CADM2: variants seen among roughly 807,000 people sequenced by gnomAD.
CADM2 encodes the protein cell adhesion molecule 2, also known as immunoglobulin superfamily member 4D.
In CADM2, 12 loss-of-function variants were observed where a neutral mutation model predicts 49.8. That is an observed-to-expected ratio of 0.24 (90% CI 0.15 to 0.39). CADM2 has a LOEUF of 0.39. Among genes scored for constraint, CADM2 ranks in the 10% least tolerant of loss-of-function variants. The probability of loss-of-function intolerance (pLI) is 1.00; values close to 1 mark genes in which losing one functional copy is unlikely to be tolerated. For missense variants in CADM2, 378 were observed against 492.3 expected (o/e 0.77, Z 2.20); for synonymous variants, 214 against 175.4 (o/e 1.22, Z -1.74).
intron 2 of CADM2, 57 bp from the exon 3 acceptor site, chr3:85,801,990 G>GTGGTTT: frequency 8.3e-7 from 1 of 1,202,418 alleles, no homozygotes; most frequent in Non-Finnish European, 1.1e-6. Context: ...TAGATCTTAG[G>GTGGTTT]CAGTTAATCA....
At chr3:85,666,279 G>T (rs558355869) in intron 1 of CADM2, among the ~76,000 whole-genome samples, 2 of 151,928 alleles carry the variant, frequency 1.3e-5, no homozygotes, top group African/African-American at 4.8e-5. Context: ...TCAGTGTTAC[G>T]TATCTCAATG....
At chr3:84,982,737 A>ATATTT (rs1553663805) in intron 1 of CADM2, among the ~76,000 whole-genome samples, 1 of 115,378 alleles carries the variant, frequency 8.7e-6, no homozygotes, top group Non-Finnish European at 1.7e-5. Flanking sequence ...ATATATATAC[A>ATATTT]TTTTTTGTTT....
chr3:85,820,504 G>A (rs2073487069), intron 3 of CADM2, among the ~76,000 whole-genome samples: 1 of 152,114 alleles, frequency 6.6e-6, no homozygotes, highest in African/African-American at 2.4e-5. Context: ...GAGCAAATAG[G>A]ACCAGCTGAT....
rs554568779 is a variant in CADM2 at position 85,463,562 on chromosome 3, T to C, written c.62-262960T>C. Among the ~76,000 whole-genome samples the C allele has an allele frequency of 9.0e-4, 137 of 152,328 alleles. 1 individual carries two copies. Among genetic ancestry groups the C allele is most frequent in the Middle Eastern group, 3.4e-3 (1 of 294 alleles). The stretch of plus-strand genomic sequence containing the variant: ...GTCCTATATTTTTAAATAAAAGGGA[T>C]TGTAACTATTTATATATATTCAAAA... On this transcript the variant is annotated intron_variant, in intron 1 of 9. Transcript: ENST00000383699.
chr3:85,171,729 G>A lies in CADM2; in HGVS notation c.61+212061G>A, dbSNP rs573810778. Among the ~76,000 whole-genome samples, 6 of 152,204 alleles carry A rather than the reference G, an allele frequency of 3.9e-5. No individual in the cohort carries two copies. In the South Asian group the frequency reaches 1.2e-3, roughly 32 times the overall value. Reference sequence around the variant, plus strand: ...AATAATTTTGTATGTACAGTTGCATGTTTTTCTCATTTTAGCCAAAATTTA... The same window carrying A: ...AATAATTTTGTATGTACAGTTGCATATTTTTCTCATTTTAGCCAAAATTTA... On this transcript the variant is annotated intron_variant, in intron 1 of 9. Coordinates refer to ENST00000383699, the MANE Select transcript of CADM2 (RefSeq NM_001167675.2).
intron 2 of CADM2, among the ~76,000 whole-genome samples, chr3:85,739,703 A>C (rs980876167): frequency 2.6e-5 from 4 of 152,156 alleles, no homozygotes; most frequent in African/African-American, 9.6e-5. Context: ...CAAAGCATTT[A>C]TAGTTACAGG....
intron 1 of CADM2, among the ~76,000 whole-genome samples, chr3:85,463,929 G>T (rs776335008): frequency 6.6e-6 from 1 of 152,044 alleles, no homozygotes; most frequent in Non-Finnish European, 1.5e-5. Flanking sequence ...ATAGATCCAA[G>T]GTTATTGGGG....
At chr3:85,264,260 C>A (rs755337070) in intron 1 of CADM2, among the ~76,000 whole-genome samples, 136 of 152,004 alleles carry the variant, frequency 8.9e-4, no homozygotes, top group Non-Finnish European at 1.6e-3. Flanking sequence ...TCATCAACAC[C>A]CAAACCTATG....
intron 8 of CADM2, among the ~76,000 whole-genome samples, chr3:86,045,615 A>G (rs1424271906): frequency 6.6e-6 from 1 of 152,176 alleles, no homozygotes; most frequent in Admixed American, 6.6e-5. Flanking sequence ...CCACCCATCT[A>G]TCAGAAAATA....
chr3:85,110,183 T>C (rs1240549349), intron 1 of CADM2, among the ~76,000 whole-genome samples: 2 of 151,768 alleles, frequency 1.3e-5, no homozygotes, highest in Non-Finnish European at 2.9e-5. Flanking sequence ...AAAATAACAA[T>C]TGAATGGGAC....
Position 86,013,847 on chromosome 3 carries a change from T to G in CADM2, c.971-51758T>G, listed in dbSNP as rs1731856242. 7.5e-6 allele frequency: 12 copies of G among 1,593,022 alleles called. No homozygotes were observed. In the South Asian group the frequency reaches 1.3e-4, roughly 18 times the overall value. The stretch of plus-strand genomic sequence containing the variant: ...AGGCTTACATTGTGTCTAGTGGATT[T>G]TCTTCCAAAATGAAAGTTGTTGCTT... On this transcript the variant is annotated intron_variant, in intron 8 of 9. Transcript: ENST00000383699.
chr3:85,206,350 C>G (rs1396540364), intron 1 of CADM2, among the ~76,000 whole-genome samples: 1 of 149,738 alleles, frequency 6.7e-6, no homozygotes, highest in African/African-American at 2.5e-5. Context: ...CTCTGTCACC[C>G]AGGCTGGAGT....
chr3:85,318,380 G>A (rs1485910761), intron 1 of CADM2, among the ~76,000 whole-genome samples: 3 of 151,954 alleles, frequency 2.0e-5, no homozygotes, highest in Admixed American at 2.0e-4. Flanking sequence ...TGCAGTAACA[G>A]AATTGGACAA....
chr3:85,018,325 C>T (rs1243236303), intron 1 of CADM2, among the ~76,000 whole-genome samples: 11 of 152,098 alleles, frequency 7.2e-5, no homozygotes, highest in South Asian at 2.1e-4. Flanking sequence ...ATACTACTTG[C>T]CTGTTAAGGA....
intron 1 of CADM2, among the ~76,000 whole-genome samples, chr3:85,434,658 T>C (rs899802016): frequency 1.3e-5 from 2 of 152,144 alleles, no homozygotes; most frequent in Admixed American, 1.3e-4. Context: ...AAATAAAACT[T>C]CATTCTACGT....
At chr3:85,539,289 G>C (rs1361129589) in intron 1 of CADM2, among the ~76,000 whole-genome samples, 1 of 151,896 alleles carries the variant, frequency 6.6e-6, no homozygotes, top group African/African-American at 2.4e-5. Context: ...TTCAAAGTGT[G>C]CTAATTATAT....
intron 1 of CADM2, among the ~76,000 whole-genome samples, chr3:85,424,880 A>T (rs1488208693): frequency 1.3e-5 from 2 of 152,156 alleles, no homozygotes; most frequent in South Asian, 4.1e-4. Context: ...ATATTTGCTT[A>T]CATACATTTG....
At chr3:85,568,367 G>T (rs911656078) in intron 1 of CADM2, among the ~76,000 whole-genome samples, 1 of 151,632 alleles carries the variant, frequency 6.6e-6, no homozygotes, top group East Asian at 1.9e-4. Flanking sequence ...AGAGTGGTAA[G>T]GATTGTTACC....
At chr3:85,115,510 G>T (rs763815158) in intron 1 of CADM2, among the ~76,000 whole-genome samples, 2 of 152,110 alleles carry the variant, frequency 1.3e-5, no homozygotes, top group Non-Finnish European at 2.9e-5. Context: ...CTGGCAGGAG[G>T]ACTAGAATGA....
Sources: allele counts gnomAD v4.1 joint callset (sites outside exome capture counted in the v4.1 genomes callset), GRCh38; gene constraint gnomAD v4.1.1; transcripts MANE v1.5; gene names NCBI Gene and HGNC (gene_info 2026-07-23, HGNC 2026-07-21).